Variants in LYST observed in about 807,000 individuals in gnomAD.
LYST encodes the protein lysosomal-trafficking regulator.
Under a neutral mutation model 413.6 loss-of-function variants are expected in LYST, and 192 were observed. The observed-to-expected ratio is 0.46, with a 90% CI of 0.41 to 0.52. The LOEUF is 0.52. Among genes scored for constraint, LYST ranks in the 20% least tolerant of loss-of-function variants. The pLI, the probability that LYST is intolerant of heterozygous loss-of-function variation, is 0.00. For synonymous variants in LYST, 1,525 were observed against 1,567.3 expected (o/e 0.97, Z 0.64); for missense variants, 3,815 against 4,499.9 (o/e 0.85, Z 4.35).
intron 11 of LYST, among the ~76,000 whole-genome samples, chr1:235,792,963 C>G (rs938545152): frequency 3.5e-4 from 53 of 152,160 alleles, no homozygotes; most frequent in Non-Finnish European, 8.8e-5. Flanking sequence ...GGCGCCCTGC[C>G]TTAGATGTTC....
intron 1 of LYST, among the ~76,000 whole-genome samples, chr1:235,851,188 GTA>G (rs60230013): frequency 0.064 from 9,557 of 150,296 alleles, 981 homozygotes; most frequent in African/African-American, 0.22. Flanking sequence ...ATATGTGTGT[GTA>G]TATATATATA....
Position 235,882,705 on chromosome 1 carries a change from G to A in LYST, n.454+482C>T, listed in dbSNP as rs369441220. The stretch of plus-strand genomic sequence containing the variant: ...ATAGATCAGAAATATAACAGAGGCT[G>A]AAGGGTTAGGGAGGGCTAGCAGTGA... On this transcript the variant is annotated intron_variant and non_coding_transcript_variant, in intron 1 of 11. Transcript: ENST00000465349. 1.6e-4 allele frequency among the ~76,000 whole-genome samples: 24 copies of A among 152,296 alleles called. No homozygotes were observed. The East Asian group carries it at 2.9e-3, about 18-fold the overall frequency.
intron 37 of LYST, among the ~76,000 whole-genome samples, 200 bp downstream of exon 37, chr1:235,729,396 G>C (rs1452822030): frequency 6.6e-6 from 1 of 152,112 alleles, no homozygotes; most frequent in African/African-American, 2.4e-5. Flanking sequence ...CTATTCATGT[G>C]CTTTTCAGAA....
chr1:235,813,141 C>A, intron 3 of LYST, 80 bp from the exon 4 acceptor site: 3 of 808,088 alleles, frequency 3.7e-6, no homozygotes, highest in South Asian at 3.0e-5. Context: ...TTAAACTGAA[C>A]CAAAAAATCC....
rs763205903 is a variant in LYST, at chr1:235,664,673, C to G, written c.11039-52G>C. ...TTACCAGAATGTGGCTGTCTCAGAG[C>G]CCACATTTGGCCCCAGAAGGGCAAC... On this transcript the variant is annotated intron_variant, in intron 50 of 52. Coordinates refer to ENST00000389793, the MANE Select transcript of LYST (RefSeq NM_000081.4). This position sits in a 1 kb window ranked among gnomAD's most constrained non-coding sequence, Gnocchi z 4.5. 1 of 1,598,290 alleles carries G rather than the reference C, an allele frequency of 6.3e-7. No individual in the cohort carries two copies. Among genetic ancestry groups the G allele is most frequent in the Non-Finnish European group, 8.6e-7 (1 of 1,166,604 alleles).
intron 50 of LYST, among the ~76,000 whole-genome samples, chr1:235,673,706 A>G (rs747169050): frequency 2.0e-5 from 3 of 152,146 alleles, no homozygotes; most frequent in Non-Finnish European, 4.4e-5. Context: ...GCTTCTTTGA[A>G]ATGCGCTTTG....
At chr1:235,782,160 A>G (rs931213893) in intron 14 of LYST, 73 bp from the exon 15 acceptor site, 6 of 1,253,600 alleles carry the variant, frequency 4.8e-6, no homozygotes, top group Middle Eastern at 4.8e-4. Context: ...TAAAGTATGA[A>G]TATTTAACAA....
At chr1:235,699,514 T>C (rs996912522) in intron 45 of LYST, among the ~76,000 whole-genome samples, 4 of 152,348 alleles carry the variant, frequency 2.6e-5, no homozygotes, top group South Asian at 2.1e-4. Flanking sequence ...GTCTTTGCTA[T>C]AGTAAATAGT....
chr1:235,846,267 G>C (rs183591242), intron 1 of LYST, among the ~76,000 whole-genome samples: 170 of 152,236 alleles, frequency 1.1e-3, no homozygotes, highest in Admixed American at 3.9e-3. Context: ...ACCCAGAAGA[G>C]AGACAACAAT....
intron 44 of LYST, among the ~76,000 whole-genome samples, chr1:235,706,284 A>G (rs1160343799): frequency 1.3e-5 from 2 of 152,202 alleles, no homozygotes; most frequent in Non-Finnish European, 2.9e-5. Context: ...GAAGCAGATC[A>G]TAAGATTTTC....
chr1:235,795,062 A>C (rs1432388587), intron 10 of LYST, among the ~76,000 whole-genome samples: 1 of 152,188 alleles, frequency 6.6e-6, no homozygotes, highest in African/African-American at 2.4e-5. Context: ...TAGATGTATA[A>C]GAGAAAGCTG....
chr1:235,796,877 A>G (rs1282794835), intron 10 of LYST, among the ~76,000 whole-genome samples: 2 of 152,220 alleles, frequency 1.3e-5, no homozygotes, highest in African/African-American at 4.8e-5. Context: ...ACACAAAGGT[A>G]TACTTAATAC....
Position 235,712,082 on chromosome 1 carries a change from A to G in LYST, c.9900T>C (p.Leu3300=). The change falls in exon 43 of 53, where the codon CTT becomes CTC. Residue 3300 remains leucine, a synonymous_variant. Coordinates refer to ENST00000389793, the MANE Select transcript of LYST (RefSeq NM_000081.4). ...CTTCACGGTTAACTAGGAACTCTGG[A>G]AGATAGAAAAACTCTGGGATAAGTT... ...VKELIPEFFY[L]PEFLVNREGF... is the part of the protein sequence containing the mutation. The G allele has an allele frequency of 6.5e-7, 1 of 1,547,900 alleles. No individual in the cohort carries two copies. The highest frequency in any genetic ancestry group is 8.8e-7 in the Non-Finnish European group (1 of 1,142,686).
intron 4 of LYST, 60 bp downstream of exon 4, chr1:235,812,911 A>G (rs1403223182): frequency 5.2e-6 from 5 of 970,424 alleles, no homozygotes; most frequent in South Asian, 4.0e-5. Flanking sequence ...ATTCAGGCAG[A>G]AGTAACTTTT....
In LYST at chr1:235,751,202, A is replaced by G. The variant is rs751658977; in HGVS notation, c.7780+8T>C. 6.2e-7 allele frequency: 1 copy of G among 1,613,048 alleles called. No individual in the cohort carries two copies. Among genetic ancestry groups the G allele is most frequent in the African/African-American group, 1.3e-5 (1 of 75,014 alleles). Reference sequence around the variant, plus strand: ...TTATGGTTATTAAAATATGATTTCAATACTCGCCAGCAATGCTTTTCCGCT... The same window carrying G: ...TTATGGTTATTAAAATATGATTTCAGTACTCGCCAGCAATGCTTTTCCGCT... On this transcript the variant is annotated splice_region_variant and intron_variant, in intron 28 of 52. Transcript: ENST00000389793.
Position 235,668,596 on chromosome 1 carries a change from T to C in LYST, c.11039-3975A>G, listed in dbSNP as rs372330504. The stretch of plus-strand genomic sequence containing the variant: ...AGTAATTTTGTTTCTCATTCTCATA[T>C]GACTAGCTGATATAATATCACAGAT... On this transcript the variant is annotated intron_variant, in intron 50 of 52. Transcript: ENST00000389793. 3.8e-4 allele frequency among the ~76,000 whole-genome samples: 58 copies of C among 152,328 alleles called. No individual in the cohort carries two copies. The East Asian group carries it at 5.4e-3, about 14-fold the overall frequency.
intron 10 of LYST, among the ~76,000 whole-genome samples, chr1:235,796,537 T>C (rs1252362291): frequency 6.6e-6 from 1 of 152,212 alleles, no homozygotes; most frequent in African/African-American, 2.4e-5. Flanking sequence ...ATGGTGTAAA[T>C]ATCTGTCCCC....
intron 1 of LYST, among the ~76,000 whole-genome samples, chr1:235,834,815 A>C (rs1000799369): frequency 1.3e-5 from 2 of 152,156 alleles, no homozygotes; most frequent in Non-Finnish European, 2.9e-5. Context: ...AGCACCAGAA[A>C]GCAGTATATC....
At chr1:235,722,863 A>G (rs906315447) in intron 39 of LYST, among the ~76,000 whole-genome samples, 1 of 152,220 alleles carries the variant, frequency 6.6e-6, no homozygotes, top group African/African-American at 2.4e-5. Context: ...AAAAATAATC[A>G]TCATATAACC....
Sources: allele counts gnomAD v4.1 joint callset (sites outside exome capture counted in the v4.1 genomes callset), GRCh38; gene constraint gnomAD v4.1.1; non-coding constraint Gnocchi (gnomAD v3.1); transcripts MANE v1.5; gene names NCBI Gene and HGNC (gene_info 2026-07-23, HGNC 2026-07-21).